Variants in COL21A1 observed in about 807,000 individuals in gnomAD.
COL21A1 encodes the protein collagen type XXI alpha 1 chain, also known as collagen alpha-1(XXI) chain.
Under a neutral mutation model 137.9 loss-of-function variants are expected in COL21A1, and 149 were observed. The ratio of observed to expected loss-of-function variants is 1.08; its 90% CI spans 0.95 to 1.24. The LOEUF (loss-of-function observed/expected upper bound fraction) is 1.24, where lower values mean the gene tolerates loss of function less well. Among genes scored for constraint, COL21A1 ranks in the 50% most tolerant of loss-of-function variants. The pLI is 0.00. For synonymous variants in COL21A1, 456 were observed against 391.5 expected (o/e 1.16, Z -1.95); for missense variants, 1,167 against 1,158.4 (o/e 1.01, Z -0.11).
chr6:56,216,279 A>G (rs1437202916), intron 1 of COL21A1, among the ~76,000 whole-genome samples: 1 of 152,066 alleles, frequency 6.6e-6, no homozygotes, highest in African/African-American at 2.4e-5. Flanking sequence ...ACTCAGATAC[A>G]TCCAACCCTA....
chr6:56,077,976 A>C (rs979646678), intron 17 of COL21A1: 2 of 430,564 alleles, frequency 4.6e-6, no homozygotes, highest in African/African-American at 4.1e-5. Flanking sequence ...CAGTGTCACC[A>C]CCTTAGTTAA....
chr6:56,092,667 A>G (rs1000582620), intron 17 of COL21A1, among the ~76,000 whole-genome samples: 1 of 152,150 alleles, frequency 6.6e-6, no homozygotes, highest in Non-Finnish European at 1.5e-5. Flanking sequence ...CACATATGCT[A>G]CCAACAGTTT....
rs371363526 is a variant in COL21A1 at position 56,170,848 on chromosome 6, C to A, written c.827G>T (p.Gly276Val). ...CACAAATACATATGATGGAGGAAGA[C>A]CTTCTGGGAAAACATTGCTAGAAAA... Reference protein sequence around the residue: ...SELTSNVFPEGLPPSYVFVST... With the variant: ...SELTSNVFPEVLPPSYVFVST... Residue 276 changes from glycine to valine, a missense_variant, in exon 5 of 30, where the codon GGT becomes GTT. Coordinates refer to ENST00000244728, the MANE Select transcript of COL21A1 (RefSeq NM_030820.4). 3.1e-6 allele frequency: 5 copies of A among 1,609,918 alleles called. No individual in the cohort carries two copies. The highest frequency in any genetic ancestry group is 1.7e-5 in the Admixed American group (1 of 59,354).
chr6:56,090,405 T>C (rs1768690209), intron 17 of COL21A1, among the ~76,000 whole-genome samples: 1 of 152,168 alleles, frequency 6.6e-6, no homozygotes, highest in Non-Finnish European at 1.5e-5. Context: ...ATAAAACAGA[T>C]CTGTGATTAA....
At chr6:56,370,483 C>T (rs1766213877) in intron 1 of COL21A1, among the ~76,000 whole-genome samples, 1 of 152,212 alleles carries the variant, frequency 6.6e-6, no homozygotes, top group African/African-American at 2.4e-5. Flanking sequence ...TCTGTGAGGG[C>T]ACTGCACATG....
At chr6:56,060,827 A>T (rs750387633) in intron 26 of COL21A1, 32 bp from the exon 27 acceptor site, 1 of 1,587,552 alleles carries the variant, frequency 6.3e-7, no homozygotes, top group Non-Finnish European at 8.5e-7. Flanking sequence ...TATAACATGC[A>T]CATAAAGAAC....
intron 1 of COL21A1, among the ~76,000 whole-genome samples, chr6:56,380,776 T>C (rs1305921152): frequency 1.3e-5 from 2 of 152,194 alleles, no homozygotes; most frequent in East Asian, 3.8e-4. Flanking sequence ...TGTCTAGTGT[T>C]CCTAAGGGTG....
chr6:56,135,198 C>T (rs1773899530), intron 12 of COL21A1, among the ~76,000 whole-genome samples: 2 of 151,704 alleles, frequency 1.3e-5, no homozygotes, highest in South Asian at 2.1e-4. Context: ...CAAGTAAAAA[C>T]ACATAATACA....
chr6:56,348,130 T>A (rs1033255763), intron 1 of COL21A1, among the ~76,000 whole-genome samples: 2 of 152,084 alleles, frequency 1.3e-5, no homozygotes, highest in African/African-American at 4.8e-5. Flanking sequence ...TGAACAAATA[T>A]GTCGTTTCTG....
intron 16 of COL21A1, among the ~76,000 whole-genome samples, chr6:56,118,787 A>C (rs191243847): frequency 6.6e-6 from 1 of 152,244 alleles, no homozygotes; most frequent in African/African-American, 2.4e-5. Flanking sequence ...TATGCAAATC[A>C]ATCAAAATGA....
chr6:56,386,650 C>T (rs140384312), intron 1 of COL21A1, among the ~76,000 whole-genome samples: 5 of 151,948 alleles, frequency 3.3e-5, no homozygotes, highest in East Asian at 1.9e-4. Context: ...GAAGTGATCT[C>T]GTTATGGCTT....
intron 1 of COL21A1, among the ~76,000 whole-genome samples, chr6:56,391,881 A>G (rs1234245713): frequency 3.3e-5 from 5 of 152,156 alleles, no homozygotes; most frequent in Non-Finnish European, 7.4e-5. Flanking sequence ...TCTCCCAGCA[A>G]AGAAAAGCCC....
chr6:56,328,982 AGGTTTAG>A (rs1765162301), intron 1 of COL21A1, among the ~76,000 whole-genome samples: 1 of 152,094 alleles, frequency 6.6e-6, no homozygotes, highest in South Asian at 2.1e-4. Flanking sequence ...TTCAGAGCCC[AGGTTTAG>A]GGTAAGAACA....
At chr6:56,083,228 TTC>T (rs1229356140) in intron 17 of COL21A1, among the ~76,000 whole-genome samples, 3 of 151,960 alleles carry the variant, frequency 2.0e-5, no homozygotes, top group Non-Finnish European at 4.4e-5. Context: ...ATTGGCAGAA[TTC>T]TGTTTCTTGC....
At chr6:56,152,307 T>C (rs1775389036) in intron 10 of COL21A1, among the ~76,000 whole-genome samples, 1 of 152,192 alleles carries the variant, frequency 6.6e-6, no homozygotes, top group African/African-American at 2.4e-5. Context: ...CTTTTGTGTT[T>C]ATATCTGGCT....
intron 1 of COL21A1, among the ~76,000 whole-genome samples, chr6:56,368,519 A>T (rs1766152504): frequency 6.6e-6 from 1 of 152,260 alleles, no homozygotes. Context: ...GGTTAAGAGC[A>T]CAACAGTGGC....
At chr6:56,299,830 T>C (rs1345416595) in intron 1 of COL21A1, among the ~76,000 whole-genome samples, 2 of 152,098 alleles carry the variant, frequency 1.3e-5, no homozygotes, top group Non-Finnish European at 2.9e-5. Context: ...TTTAATATGT[T>C]CCTAAAATAA....
At chr6:56,088,887 G>A (rs1309558668) in intron 17 of COL21A1, among the ~76,000 whole-genome samples, 1 of 152,024 alleles carries the variant, frequency 6.6e-6, no homozygotes, top group Non-Finnish European at 1.5e-5. Flanking sequence ...CCCAGGCTCA[G>A]GTGATCCCCC....
At chr6:56,114,515 C>T (rs933760820) in intron 16 of COL21A1, among the ~76,000 whole-genome samples, 5 of 152,120 alleles carry the variant, frequency 3.3e-5, no homozygotes, top group African/African-American at 1.2e-4. Flanking sequence ...GGGCGAAGGA[C>T]ATGAACAGAC....
Sources: gnomAD v4.1 joint callset for allele counts (sites outside exome capture counted in the v4.1 genomes callset) on GRCh38, gnomAD v4.1.1 for gene constraint, MANE v1.5 for transcripts, NCBI Gene and HGNC (gene_info 2026-07-23, HGNC 2026-07-21) for gene names.